AGBL1: variants seen among roughly 807,000 people sequenced by gnomAD.
AGBL1 encodes the protein cytosolic carboxypeptidase 4.
A neutral mutation model predicts 118.9 loss-of-function variants in AGBL1; 130 were observed. The ratio of observed to expected loss-of-function variants is 1.09; its 90% CI spans 0.95 to 1.26. AGBL1 has a LOEUF of 1.26. AGBL1 is among the 50% of genes most tolerant of loss of function. The pLI, the probability that AGBL1 is intolerant of heterozygous loss-of-function variation, is 0.00. For missense variants in AGBL1, 1,584 were observed against 1,298.1 expected (o/e 1.22, Z -3.38); for synonymous variants, 555 against 478.9 (o/e 1.16, Z -2.08).
intron 18 of AGBL1, among the ~76,000 whole-genome samples, chr15:86,413,290 T>C (rs28587403): frequency 0.073 from 11,157 of 152,270 alleles, 543 homozygotes; most frequent in African/African-American, 0.13. Flanking sequence ...CTCCATTACA[T>C]GCAAGGATAA....
At chr15:86,657,659 T>C (rs2085481759) in intron 21 of AGBL1, among the ~76,000 whole-genome samples, 1 of 152,210 alleles carries the variant, frequency 6.6e-6, no homozygotes, top group African/African-American at 2.4e-5. Flanking sequence ...AGAAATGCTG[T>C]GTCCTCTATG....
intron 19 of AGBL1, among the ~76,000 whole-genome samples, chr15:86,541,130 T>A (rs1467681014): frequency 1.3e-5 from 2 of 152,184 alleles, no homozygotes; most frequent in Middle Eastern, 3.2e-3. Context: ...GAAACTAAGA[T>A]GTAAGAGGTA....
intron 21 of AGBL1, among the ~76,000 whole-genome samples, chr15:86,643,520 T>A (rs2142474370): frequency 6.6e-6 from 1 of 152,272 alleles, no homozygotes; most frequent in East Asian, 1.9e-4. Flanking sequence ...TATATTAGCT[T>A]GTCGCTAACT....
At chr15:86,736,324 G>A (rs1413787824) in intron 22 of AGBL1, among the ~76,000 whole-genome samples, 3 of 151,814 alleles carry the variant, frequency 2.0e-5, no homozygotes, top group Admixed American at 1.3e-4. Context: ...AGGTTGCAGT[G>A]AGCTGAGATC....
chr15:86,799,783 A>C (rs116598689), intron 22 of AGBL1, among the ~76,000 whole-genome samples: 1 of 152,172 alleles, frequency 6.6e-6, no homozygotes, highest in African/African-American at 2.4e-5. Flanking sequence ...GGAATTGCAT[A>C]TAAAACTAAT....
intron 21 of AGBL1, among the ~76,000 whole-genome samples, chr15:86,622,493 A>G (rs893829781): frequency 6.6e-6 from 1 of 152,214 alleles, no homozygotes; most frequent in African/African-American, 2.4e-5. Context: ...AATAACACAA[A>G]ACTATGAAAT....
intron 17 of AGBL1, among the ~76,000 whole-genome samples, chr15:86,333,252 T>C (rs1160088140): frequency 6.6e-6 from 1 of 152,104 alleles, no homozygotes; most frequent in Non-Finnish European, 1.5e-5. Flanking sequence ...CCAAAGTTGG[T>C]TTTTTGAAAG....
At chr15:86,139,090 G>A (rs2076927238) in intron 1 of AGBL1, among the ~76,000 whole-genome samples, 1 of 152,164 alleles carries the variant, frequency 6.6e-6, no homozygotes, top group African/African-American at 2.4e-5. Context: ...TGTGGACTTG[G>A]AGTTTCAGAG....
chr15:86,516,201 G>C (rs1227865532), intron 18 of AGBL1, among the ~76,000 whole-genome samples: 1 of 152,144 alleles, frequency 6.6e-6, no homozygotes, highest in Non-Finnish European at 1.5e-5. Context: ...GTGAACGGAG[G>C]GTTGGCTTTG....
At chr15:86,964,779 C>G (rs567088475) in intron 23 of AGBL1, among the ~76,000 whole-genome samples, 13 of 152,024 alleles carry the variant, frequency 8.6e-5, no homozygotes, top group Non-Finnish European at 1.6e-4. Flanking sequence ...CTATCCCTCC[C>G]CTACCCCCCA....
chr15:86,465,366 A>C (rs769585710), intron 18 of AGBL1, among the ~76,000 whole-genome samples: 18 of 152,122 alleles, frequency 1.2e-4, no homozygotes, highest in Non-Finnish European at 2.1e-4. Context: ...TTATCTGCAA[A>C]AGTTGTTTGT....
intron 24 of AGBL1, among the ~76,000 whole-genome samples, chr15:87,002,327 A>G (rs1012500636): frequency 1.1e-4 from 16 of 151,828 alleles, no homozygotes; most frequent in African/African-American, 3.6e-4. Flanking sequence ...GTTCTGTTCC[A>G]TTGTTCTATA....
chr15:86,154,586 G>A (rs371403599), intron 4 of AGBL1, 25 bp downstream of exon 4: 41 of 1,585,676 alleles, frequency 2.6e-5, no homozygotes, highest in Middle Eastern at 1.9e-4. Flanking sequence ...TGTGGCTCTC[G>A]GGGATGGCTT....
chr15:86,431,064 G>T (rs1342364235), intron 18 of AGBL1, among the ~76,000 whole-genome samples: 2 of 152,142 alleles, frequency 1.3e-5, no homozygotes, highest in African/African-American at 2.4e-5. Flanking sequence ...GGTCTATCTT[G>T]CTCCAAAGTC....
chr15:86,620,564 C>T (rs992491801), intron 21 of AGBL1, among the ~76,000 whole-genome samples: 1 of 152,170 alleles, frequency 6.6e-6, no homozygotes. Flanking sequence ...ATTATCACCT[C>T]ATCAAGAATA....
chr15:86,162,621 C>T (rs908417523), intron 5 of AGBL1, among the ~76,000 whole-genome samples: 1 of 152,178 alleles, frequency 6.6e-6, no homozygotes, highest in Non-Finnish European at 1.5e-5. Flanking sequence ...GTGCCAACTT[C>T]CTTCCTTCGG....
chr15:86,457,000 G>A (rs768457470), intron 18 of AGBL1, among the ~76,000 whole-genome samples: 10 of 152,026 alleles, frequency 6.6e-5, no homozygotes, highest in Non-Finnish European at 1.2e-4. Context: ...TGTAGAGAAA[G>A]AACACACCGC....
intron 22 of AGBL1, among the ~76,000 whole-genome samples, chr15:86,782,204 C>T (rs1041903604): frequency 3.3e-5 from 5 of 152,038 alleles, no homozygotes; most frequent in Admixed American, 6.6e-5. Context: ...CTCAAAGGGC[C>T]TTGACTCATT....
At chr15:86,080,769 C>T (rs1327931717) in intron 1 of AGBL1, among the ~76,000 whole-genome samples, 1 of 152,016 alleles carries the variant, frequency 6.6e-6, no homozygotes, top group African/African-American at 2.4e-5. Context: ...TTTGAAAACT[C>T]CCCCGGGGTC....
Sources: allele counts gnomAD v4.1 joint callset (sites outside exome capture counted in the v4.1 genomes callset), GRCh38; gene constraint gnomAD v4.1.1; transcripts MANE v1.5; gene names NCBI Gene and HGNC (gene_info 2026-07-23, HGNC 2026-07-21).